The following JARID2 variants were observed in gnomAD, a reference collection of about 807,000 sequenced individuals.
The protein encoded by JARID2 is protein Jumonji.
JARID2 carries 21 observed loss-of-function variants against 125.6 expected under a neutral mutation model. That is an observed-to-expected ratio of 0.17 (90% CI 0.12 to 0.24). JARID2 has a LOEUF of 0.24. JARID2 is among the 10% of genes least tolerant of loss of function. The pLI is 1.00. For missense variants in JARID2, 1,303 were observed against 1,639.6 expected, an observed-to-expected ratio of 0.79 and a Z score of 3.55; for synonymous variants, 736 against 661.6, an observed-to-expected ratio of 1.11 and a Z score of -1.73.
At chr6:15,249,655 G>A (rs1561745554) in intron 1 of JARID2, among the ~76,000 whole-genome samples, 1 of 152,170 alleles carries the variant, frequency 6.6e-6, no homozygotes, top group Non-Finnish European at 1.5e-5. Context: ...AAGGCAGCAC[G>A]TTTCCCACAA....
chr6:15,436,822 T>C (rs535954472), intron 3 of JARID2, among the ~76,000 whole-genome samples: 18 of 151,456 alleles, frequency 1.2e-4, no homozygotes, highest in South Asian at 4.2e-4. Flanking sequence ...ATTTTTTTTT[T>C]CCCCCATAAT....
intron 1 of JARID2, among the ~76,000 whole-genome samples, chr6:15,277,182 G>A (rs903189154): frequency 9.2e-5 from 14 of 152,190 alleles, no homozygotes; most frequent in Non-Finnish European, 1.8e-4. Flanking sequence ...CAGATGAGCA[G>A]ATAGGGCTTT....
chr6:15,289,186 C>T (rs1448573840), intron 1 of JARID2, among the ~76,000 whole-genome samples: 1 of 151,916 alleles, frequency 6.6e-6, no homozygotes, highest in African/African-American at 2.4e-5. Context: ...AGGGAAGCAT[C>T]GAGGGACACA....
At chr6:15,412,213 G>T (rs1765907403) in intron 3 of JARID2, among the ~76,000 whole-genome samples, 1 of 152,172 alleles carries the variant, frequency 6.6e-6, no homozygotes, top group Non-Finnish European at 1.5e-5. Flanking sequence ...TGATAGGCTT[G>T]GGTAGATTTT....
chr6:15,404,020 G>A (rs1765546724), intron 2 of JARID2, among the ~76,000 whole-genome samples: 2 of 152,140 alleles, frequency 1.3e-5, no homozygotes, highest in Admixed American at 1.3e-4. Flanking sequence ...GTCTCATAAG[G>A]GAAAGGGATA....
intron 1 of JARID2, among the ~76,000 whole-genome samples, chr6:15,336,512 A>G (rs1006990342): frequency 6.6e-6 from 1 of 152,238 alleles, no homozygotes; most frequent in Admixed American, 6.5e-5. Context: ...ATGACATATA[A>G]TAAGGGTCTT....
intron 1 of JARID2, among the ~76,000 whole-genome samples, chr6:15,366,769 G>T (rs1763994297): frequency 6.6e-6 from 1 of 151,758 alleles, no homozygotes; most frequent in Non-Finnish European, 1.5e-5. Context: ...TTTTTTTGCA[G>T]CACCTTCCGT....
intron 2 of JARID2, among the ~76,000 whole-genome samples, chr6:15,378,837 T>A (rs1764470309): frequency 6.6e-6 from 1 of 152,190 alleles, no homozygotes. Context: ...TATTTAAAAA[T>A]AACAGCAGAA....
intron 1 of JARID2, among the ~76,000 whole-genome samples, chr6:15,271,898 G>A (rs1038980459): frequency 1.3e-5 from 2 of 152,186 alleles, no homozygotes; most frequent in Non-Finnish European, 2.9e-5. Context: ...TACTCGGGAG[G>A]CTGAGGCAGG....
In JARID2 at chr6:15,327,528, A is replaced by AGTGTGTGT. The variant is rs10577382; in HGVS notation, c.46-46573_46-46566dup. Among the ~76,000 whole-genome samples the AGTGTGTGT allele has an allele frequency of 8.8e-3, 1,321 of 149,368 alleles. 10 individuals carry two copies. Among genetic ancestry groups the AGTGTGTGT allele is most frequent in the Middle Eastern group, 0.021 (6 of 292 alleles). ...GCTGCCATCCCTTCCATTCTGGAAG[A>AGTGTGTGT]GTGTGTGTGTGTGTGTGTGTGTGCG... On this transcript the variant is annotated intron_variant, in intron 1 of 17. Transcript: ENST00000341776.
intron 4 of JARID2, among the ~76,000 whole-genome samples, chr6:15,467,878 G>A (rs1175999900): frequency 2.0e-5 from 3 of 152,200 alleles, no homozygotes; most frequent in Admixed American, 6.5e-5. Context: ...CTTTGAGGAT[G>A]AGAGGTTAAG....
In JARID2 at chr6:15,360,091, C is replaced by A. The variant is rs907044368; in HGVS notation, c.46-14026C>A. Among the ~76,000 whole-genome samples, 16 of 152,252 alleles carry A rather than the reference C, an allele frequency of 1.1e-4. No homozygotes were observed. In the East Asian group the frequency reaches 2.1e-3, roughly 20 times the overall value. On this transcript the variant is annotated intron_variant, in intron 1 of 17. Transcript: ENST00000341776. ...TCAAATGTAGATTTTCAGAGAATGG[C>A]TCTTGAGTAATTTCTCTTTCTATCC...
chr6:15,274,618 T>C (rs1581353905), intron 1 of JARID2, among the ~76,000 whole-genome samples: 2 of 151,746 alleles, frequency 1.3e-5, no homozygotes, highest in Non-Finnish European at 2.9e-5. Flanking sequence ...GCCCAGGAGG[T>C]GAGTGGGAGA....
At chr6:15,457,637 A>G (rs1360114379) in intron 4 of JARID2, among the ~76,000 whole-genome samples, 2 of 148,796 alleles carry the variant, frequency 1.3e-5, no homozygotes, top group African/African-American at 5.0e-5. Flanking sequence ...CCAGTCCTCA[A>G]TTATTACCTT....
intron 9 of JARID2, 100 bp downstream of exon 9, chr6:15,504,692 C>T (rs1039705423): frequency 5.3e-6 from 4 of 754,454 alleles, no homozygotes; most frequent in South Asian, 2.9e-5. Context: ...GCTCGGTGAA[C>T]GGAAAGGACT....
At chr6:15,267,671 G>A (rs889875031) in intron 1 of JARID2, among the ~76,000 whole-genome samples, 4 of 152,126 alleles carry the variant, frequency 2.6e-5, no homozygotes, top group Admixed American at 6.5e-5. Context: ...TGTGACGCGC[G>A]AACTCAATGG....
chr6:15,399,074 C>T (rs953034614), intron 2 of JARID2, among the ~76,000 whole-genome samples: 6 of 152,182 alleles, frequency 3.9e-5, no homozygotes, highest in Non-Finnish European at 7.3e-5. Context: ...CTTTAATTGA[C>T]TCTGTATGAC....
At chr6:15,456,249 A>G (rs775426153) in intron 4 of JARID2, among the ~76,000 whole-genome samples, 2 of 152,264 alleles carry the variant, frequency 1.3e-5, no homozygotes, top group Non-Finnish European at 2.9e-5. Flanking sequence ...TATTGTTCAA[A>G]TAAATGCCAT....
intron 1 of JARID2, among the ~76,000 whole-genome samples, chr6:15,254,805 C>T (rs1025720819): frequency 5.3e-5 from 8 of 151,978 alleles, no homozygotes; most frequent in South Asian, 2.1e-4. Flanking sequence ...TTTCGAAGGC[C>T]GAGGTGAGCG....
Sources: allele counts gnomAD v4.1 joint callset (sites outside exome capture counted in the v4.1 genomes callset), GRCh38; gene constraint gnomAD v4.1.1; transcripts MANE v1.5; gene names NCBI Gene and HGNC (gene_info 2026-07-23, HGNC 2026-07-21).